The following RASGEF1C variants were observed in gnomAD, a reference collection of about 807,000 sequenced individuals.
RASGEF1C encodes the protein RasGEF domain family member 1C.
RASGEF1C carries 27 observed loss-of-function variants against 58.1 expected under a neutral mutation model. That is an observed-to-expected ratio of 0.46 (90% CI 0.34 to 0.64). The LOEUF is 0.64. Ranked by LOEUF, RASGEF1C falls within the 30% of genes least tolerant of loss-of-function variation. The probability of loss-of-function intolerance (pLI) is 0.01; values close to 1 mark genes in which losing one functional copy is unlikely to be tolerated. For missense variants in RASGEF1C, 502 were observed against 605.1 expected (o/e 0.83, Z 1.79); for synonymous variants, 243 against 246.3 (o/e 0.99, Z 0.13).
Position 180,135,053 on chromosome 5 carries a change from C to G in RASGEF1C, c.438+1325G>C, listed in dbSNP as rs537260620. Among the ~76,000 whole-genome samples, 627 of 144,464 alleles carry G rather than the reference C, an allele frequency of 4.3e-3. 10 individuals carry two copies. Among genetic ancestry groups the G allele is most frequent in the African/African-American group, 0.015 (601 of 39,828 alleles). The allele number at this position is 144,464 out of a possible 152,430, so 94.8% of individuals were successfully genotyped here. On this transcript the variant is annotated intron_variant, in intron 4 of 13. Coordinates refer to ENST00000361132, the MANE Select transcript of RASGEF1C (RefSeq NM_175062.4). ...CCGTTTCCGCTGTCCCCACCCCCCC[C>G]GTCCAATCATCAACTGTTCCCTGGC...
rs147390916 is a variant in RASGEF1C, at chr5:180,127,636, C to G, written c.687G>C (p.Val229=). The change falls in exon 6 of 14, where the codon GTG becomes GTC. Residue 229 remains valine, a synonymous_variant. Coordinates refer to ENST00000361132, the MANE Select transcript of RASGEF1C (RefSeq NM_175062.4). ...TTGTGCTGGCCAGAGGGTCCTTGTT[C>G]ACAAAGGCCTGGACAAACTCCTCAG... The part of the protein sequence containing the change: ...IGPEEFVQAF[V]NKDPLASTKP... 59 of 1,613,194 alleles carry G rather than the reference C, an allele frequency of 3.7e-5. No homozygotes were observed. The highest frequency in any genetic ancestry group is 1.7e-4 in the Middle Eastern group (1 of 5,904).
chr5:180,143,962 G>T lies in RASGEF1C; in HGVS notation c.-6-5904C>A, dbSNP rs372055290. ...ACAGAGGTAAAGAAGGCTCCCGAAG[G>T]CCCCTGTGAGGACCACGCGCGTGTC... is the stretch of plus-strand genomic sequence containing the variant. On this transcript the variant is annotated intron_variant, in intron 1 of 13. Coordinates refer to ENST00000361132, the MANE Select transcript of RASGEF1C (RefSeq NM_175062.4). This position sits in a 1 kb window ranked among gnomAD's most constrained non-coding sequence, Gnocchi z 4.3. 8.5e-5 allele frequency among the ~76,000 whole-genome samples: 13 copies of T among 152,274 alleles called. No individual in the cohort carries two copies. Among genetic ancestry groups the T allele is most frequent in the South Asian group, 8.3e-4 (4 of 4,824 alleles).
chr5:180,128,113 G>T (rs1766294408), intron 5 of RASGEF1C, among the ~76,000 whole-genome samples: 1 of 152,256 alleles, frequency 6.6e-6, no homozygotes, highest in Non-Finnish European at 1.5e-5. Context: ...TACAGGGCCT[G>T]CCTGGCCAGG....
At chr5:180,138,297 G>C (rs1255600860) in intron 1 of RASGEF1C, 3 of 390,014 alleles carry the variant, frequency 7.7e-6, no homozygotes, top group Non-Finnish European at 1.4e-5. Context: ...CCCATCTCTT[G>C]TCTACTCCTC....
At chr5:180,184,270 T>C (rs901078457) in intron 1 of RASGEF1C, among the ~76,000 whole-genome samples, 1 of 152,054 alleles carries the variant, frequency 6.6e-6, no homozygotes, top group African/African-American at 2.4e-5. Context: ...TTCTAAACAA[T>C]CCAATTAAAA....
In RASGEF1C at chr5:180,136,676, G is replaced by A. The variant is rs116380781; in HGVS notation, c.301-161C>T. 3.0e-3 allele frequency: 2,027 copies of A among 674,568 alleles called. 34 individuals carry two copies. The African/African-American group carries it at 0.034, about 11-fold the overall frequency. The allele number at this position is 674,568 out of a possible 1,614,324, so 41.8% of individuals were successfully genotyped here. On this transcript the variant is annotated intron_variant, in intron 3 of 13. Coordinates refer to ENST00000361132, the MANE Select transcript of RASGEF1C (RefSeq NM_175062.4). The stretch of plus-strand genomic sequence containing the variant: ...GGGTGCGATCCTGCTCTGCGCCCAC[G>A]GGGAGAGGAGGGGGGACGGACACAT...
In RASGEF1C at chr5:180,152,610, GT is replaced by G. The variant is rs1210545125; in HGVS notation, c.-6-14553del. On this transcript the variant is annotated intron_variant, in intron 1 of 13. Transcript: ENST00000361132. ...GATAGCATTAGGAGATATACCTAACGTTAAATGACGAGTTAATGGGTGCAGC... is the reference window on the plus strand; with the variant it reads ...GATAGCATTAGGAGATATACCTAACGTAAATGACGAGTTAATGGGTGCAGC... Among the ~76,000 whole-genome samples, 406 of 149,772 alleles carry G rather than the reference GT, an allele frequency of 2.7e-3. 2 individuals are homozygous for G. Among genetic ancestry groups the G allele is most frequent in the East Asian group, 6.5e-3 (33 of 5,074 alleles).
At chr5:180,130,833 G>C (rs2113269710) in intron 4 of RASGEF1C, among the ~76,000 whole-genome samples, 1 of 152,188 alleles carries the variant, frequency 6.6e-6, no homozygotes, top group East Asian at 1.9e-4. Context: ...GAGTCATATG[G>C]GCGGCGGTCC....
At chr5:180,118,759 C>T (rs1301819478) in intron 9 of RASGEF1C, 28 bp downstream of exon 9, 3 of 1,614,026 alleles carry the variant, frequency 1.9e-6, no homozygotes, top group South Asian at 2.2e-5. Context: ...TGGCCGGAGG[C>T]ACCCGGCAGC....
chr5:180,110,221 C>T (rs1402200074), intron 12 of RASGEF1C, among the ~76,000 whole-genome samples: 2 of 152,204 alleles, frequency 1.3e-5, no homozygotes, highest in East Asian at 1.9e-4. Context: ...GGGGTGGGAG[C>T]GGCTCAGACA....
intron 6 of RASGEF1C, among the ~76,000 whole-genome samples, chr5:180,124,881 C>G (rs1429697104): frequency 6.6e-6 from 1 of 152,132 alleles, no homozygotes; most frequent in Non-Finnish European, 1.5e-5. Flanking sequence ...CCTGTAATCC[C>G]AGCACTTTGG....
At chr5:180,105,422 T>G (rs913845737) in intron 12 of RASGEF1C, among the ~76,000 whole-genome samples, 1 of 149,478 alleles carries the variant, frequency 6.7e-6, no homozygotes, top group Non-Finnish European at 1.5e-5. Context: ...ATTAGCCAAG[T>G]GTGGTGGCGG....
rs557624565 is a variant in RASGEF1C at position 180,198,935 on chromosome 5, T to C, written c.-7+10093A>G. Among the ~76,000 whole-genome samples the C allele has an allele frequency of 4.6e-5, 7 of 151,788 alleles. No individual in the cohort carries two copies. The South Asian group carries it at 1.5e-3, about 32-fold the overall frequency. On this transcript the variant is annotated intron_variant, in intron 1 of 13. Transcript: ENST00000361132. The surrounding 1 kb of genome is among the most constrained non-coding windows in gnomAD (Gnocchi z 4.5). Reference sequence around the variant, plus strand: ...CCTTGAGGCTGGAGGAGTGAGGAAGTAGGAGAAAGCCCCCAGGAAGGACTC... The same window carrying C: ...CCTTGAGGCTGGAGGAGTGAGGAAGCAGGAGAAAGCCCCCAGGAAGGACTC...
At chr5:180,204,529 T>C (rs1438439049) in intron 1 of RASGEF1C, among the ~76,000 whole-genome samples, 1 of 152,138 alleles carries the variant, frequency 6.6e-6, no homozygotes, top group Non-Finnish European at 1.5e-5. Flanking sequence ...AAATATCAGA[T>C]CATTATCTAC....
At chr5:180,121,355 C>T (rs189634813) in intron 6 of RASGEF1C, among the ~76,000 whole-genome samples, 87 of 152,122 alleles carry the variant, frequency 5.7e-4, no homozygotes, top group African/African-American at 2.1e-3. Context: ...GCTCTGTCGC[C>T]CAGGCTGGAG....
chr5:180,182,028 C>T (rs1393841028), intron 1 of RASGEF1C, among the ~76,000 whole-genome samples: 1 of 151,404 alleles, frequency 6.6e-6, no homozygotes, highest in African/African-American at 2.4e-5. Flanking sequence ...ACGGTGAAAC[C>T]CCGTCTCTAC....
At chr5:180,138,576 C>T (rs749212966) in intron 1 of RASGEF1C, among the ~76,000 whole-genome samples, 1 of 152,300 alleles carries the variant, frequency 6.6e-6, no homozygotes, top group Admixed American at 6.5e-5. Context: ...GGAAAGTGGG[C>T]ACATTCCTGA....
At chr5:180,196,051 C>T (rs1756269386) in intron 1 of RASGEF1C, among the ~76,000 whole-genome samples, 1 of 152,308 alleles carries the variant, frequency 6.6e-6, no homozygotes, top group African/African-American at 2.4e-5. Flanking sequence ...ACTTTGCATA[C>T]TTACCATTTT....
At chr5:180,144,675 A>G (rs1313049036) in intron 1 of RASGEF1C, among the ~76,000 whole-genome samples, 2 of 152,164 alleles carry the variant, frequency 1.3e-5, no homozygotes, top group African/African-American at 2.4e-5. Flanking sequence ...TATACTTAAC[A>G]TAAATTTACC....
Sources: gnomAD v4.1 joint callset for allele counts (sites outside exome capture counted in the v4.1 genomes callset) on GRCh38, gnomAD v4.1.1 for gene constraint, Gnocchi (gnomAD v3.1) non-coding constraint, MANE v1.5 for transcripts, NCBI Gene and HGNC (gene_info 2026-07-23, HGNC 2026-07-21) for gene names.